Variants in NRXN1 observed in about 807,000 individuals in gnomAD.
The protein encoded by NRXN1 is neurexin-1.
In NRXN1, 39 loss-of-function variants were observed where a neutral mutation model predicts 150.9. The observed-to-expected ratio is 0.26, with a 90% CI of 0.20 to 0.34. The LOEUF is 0.34. Among genes scored for constraint, NRXN1 ranks in the 10% least tolerant of loss-of-function variants. The probability of loss-of-function intolerance (pLI) is 1.00; values close to 1 mark genes in which losing one functional copy is unlikely to be tolerated. For synonymous variants in NRXN1, 924 were observed against 757.0 expected (o/e 1.22, Z -3.62); for missense variants, 1,815 against 1,949.9 (o/e 0.93, Z 1.30).
At chr2:50,847,733 G>A (rs1045802407) in intron 5 of NRXN1, among the ~76,000 whole-genome samples, 3 of 152,190 alleles carry the variant, frequency 2.0e-5, no homozygotes, top group Admixed American at 1.3e-4. Flanking sequence ...CAGGGAGCAC[G>A]TCAAGAGGAC....
chr2:50,616,036 G>C (rs2104174161), intron 8 of NRXN1: 1 of 151,924 alleles, frequency 6.6e-6, no homozygotes, highest in East Asian at 1.9e-4. Context: ...GAATTTCATA[G>C]GTATGGGCTG....
chr2:50,995,776 G>A (rs905310773), intron 2 of NRXN1, among the ~76,000 whole-genome samples: 2 of 151,986 alleles, frequency 1.3e-5, no homozygotes, highest in African/African-American at 2.4e-5. Context: ...GCTTTACGCC[G>A]AGCAAGGCAG....
At chr2:50,337,822 A>T (rs1486204517) in intron 17 of NRXN1, among the ~76,000 whole-genome samples, 1 of 152,216 alleles carries the variant, frequency 6.6e-6, no homozygotes, top group African/African-American at 2.4e-5. Flanking sequence ...AAAAACACAA[A>T]TTTTTCATTT....
chr2:50,199,486 G>C (rs375304945), intron 18 of NRXN1, among the ~76,000 whole-genome samples: 5 of 151,980 alleles, frequency 3.3e-5, no homozygotes, highest in Non-Finnish European at 1.5e-5. Context: ...AGAAGAAAGT[G>C]CATGTATGCC....
At chr2:50,857,266 G>A (rs1467220127) in intron 5 of NRXN1, among the ~76,000 whole-genome samples, 3 of 152,028 alleles carry the variant, frequency 2.0e-5, no homozygotes, top group Non-Finnish European at 4.4e-5. Flanking sequence ...AACTAAAAAG[G>A]AAAGAAGAAA....
intron 15 of NRXN1, among the ~76,000 whole-genome samples, chr2:50,488,324 G>A (rs1271376739): frequency 2.0e-5 from 3 of 152,200 alleles, no homozygotes; most frequent in Non-Finnish European, 4.4e-5. Flanking sequence ...ACTCTTCCAA[G>A]AATTTGGCAC....
chr2:50,543,945 C>A (rs2093439797), intron 9 of NRXN1, among the ~76,000 whole-genome samples: 1 of 152,108 alleles, frequency 6.6e-6, no homozygotes, highest in Non-Finnish European at 1.5e-5. Context: ...AGCTCTTCAA[C>A]TAACTAGCTA....
chr2:49,977,732 G>A (rs896412347), intron 21 of NRXN1, among the ~76,000 whole-genome samples: 2 of 152,120 alleles, frequency 1.3e-5, no homozygotes, highest in African/African-American at 4.8e-5. Context: ...GGGTCAATTT[G>A]TTCAAATGCT....
chr2:50,504,112 T>C (rs1353319937), intron 13 of NRXN1, among the ~76,000 whole-genome samples: 1 of 132,210 alleles, frequency 7.6e-6, no homozygotes, highest in Non-Finnish European at 1.6e-5. Context: ...ATGTTCTAGA[T>C]TAAAGGAGGC....
chr2:49,944,350 C>T (rs916434567), intron 21 of NRXN1, among the ~76,000 whole-genome samples: 12 of 152,198 alleles, frequency 7.9e-5, no homozygotes, highest in African/African-American at 2.9e-4. Flanking sequence ...AAGACACTTT[C>T]ATTTTCATTA....
chr2:50,551,050 G>GAAGAA (rs1553775723), intron 9 of NRXN1, among the ~76,000 whole-genome samples: 1,611 of 78,262 alleles, frequency 0.021, 18 homozygotes, highest in East Asian at 0.1. Context: ...AAGAGGAAGA[G>GAAGAA]GAAGAAGAAG....
At chr2:50,719,983 C>G (rs540673160) in intron 5 of NRXN1, among the ~76,000 whole-genome samples, 11 of 152,146 alleles carry the variant, frequency 7.2e-5, no homozygotes, top group Non-Finnish European at 1.5e-4. Context: ...AGCCCTCAGA[C>G]GTGTACAAAT....
chr2:50,468,804 T>C (rs573338286), intron 16 of NRXN1, among the ~76,000 whole-genome samples: 2 of 151,588 alleles, frequency 1.3e-5, no homozygotes, highest in African/African-American at 2.4e-5. Context: ...ATGATACCTA[T>C]TGTATAGAGT....
At chr2:50,802,500 T>TA (rs1554092952) in intron 5 of NRXN1, among the ~76,000 whole-genome samples, 10 of 88,330 alleles carry the variant, frequency 1.1e-4, no homozygotes, top group African/African-American at 3.8e-4. Flanking sequence ...GAAAGAGAAA[T>TA]GGAAGGAAGG....
chr2:50,552,544 G>A lies in NRXN1; in HGVS notation c.1759+43C>T, dbSNP rs759920815. The A allele has an allele frequency of 1.1e-5, 16 of 1,447,358 alleles. No individual in the cohort carries two copies. In the African/African-American group the frequency reaches 2.2e-4, roughly 20 times the overall value. The allele number at this position is 1,447,358 out of a possible 1,614,324, so 89.7% of individuals were successfully genotyped here. A position where few individuals can be genotyped will look rare whatever the true frequency, so the allele number is the denominator to read the frequency against. On this transcript the variant is annotated intron_variant, in intron 9 of 22. Coordinates refer to ENST00000401669, the MANE Select transcript of NRXN1 (RefSeq NM_001330078.2). ...TTTTAGGAATGGCATGGGTGGGTGG[G>A]GTGCTCCAGCAGATAAACAGCATAG...
At chr2:50,816,511 C>G (rs1307069692) in intron 5 of NRXN1, among the ~76,000 whole-genome samples, 1 of 152,108 alleles carries the variant, frequency 6.6e-6, no homozygotes, top group Non-Finnish European at 1.5e-5. Flanking sequence ...AAAAAACAAA[C>G]TTGACATGGT....
intron 17 of NRXN1, among the ~76,000 whole-genome samples, chr2:50,410,101 T>G (rs1231010425): frequency 6.6e-6 from 1 of 152,134 alleles, no homozygotes; most frequent in African/African-American, 2.4e-5. Context: ...CTATCCCTCC[T>G]GCTCCCCTAC....
intron 21 of NRXN1, among the ~76,000 whole-genome samples, chr2:50,050,544 T>A (rs931224429): frequency 6.6e-5 from 10 of 152,024 alleles, no homozygotes; most frequent in African/African-American, 2.4e-4. Flanking sequence ...AGACAGTTGA[T>A]AAAAGCAGGC....
intron 17 of NRXN1, among the ~76,000 whole-genome samples, chr2:50,382,331 T>C: frequency 6.6e-6 from 1 of 152,214 alleles, no homozygotes; most frequent in African/African-American, 2.4e-5. Context: ...AATAGTCTTC[T>C]CATAATATTG....
Sources: gnomAD v4.1 joint callset for allele counts (sites outside exome capture counted in the v4.1 genomes callset) on GRCh38, gnomAD v4.1.1 for gene constraint, MANE v1.5 for transcripts, NCBI Gene and HGNC (gene_info 2026-07-23, HGNC 2026-07-21) for gene names.